The following IRX5 variants were observed in gnomAD, a reference collection of about 807,000 sequenced individuals.
The protein encoded by IRX5 is iroquois-class homeodomain protein IRX-5.
In IRX5, 8 loss-of-function variants were observed where a neutral mutation model predicts 37.6. The observed-to-expected ratio is 0.21, with a 90% CI of 0.12 to 0.38. IRX5 has a LOEUF of 0.38. IRX5 is among the 10% of genes least tolerant of loss of function. IRX5 has a pLI of 1.00. For synonymous variants in IRX5, 359 were observed against 328.6 expected (o/e 1.09, Z -1.00); for missense variants, 635 against 695.2 (o/e 0.91, Z 0.97).
chr16:54,931,994 A>C, intron 1 of IRX5: 1 of 686,130 alleles, frequency 1.5e-6, no homozygotes, highest in South Asian at 1.5e-5. Flanking sequence ...GGTCTGGGGT[A>C]GTATTTTTGG....
In IRX5 at chr16:54,932,698, C is replaced by T. The variant is rs1403779197; in HGVS notation, c.450C>T (p.Ala150=). The change falls in exon 2 of 3, where the codon GCC becomes GCT. Residue 150 remains alanine (A), a synonymous_variant. Coordinates refer to ENST00000394636, the MANE Select transcript of IRX5 (RefSeq NM_005853.6). The surrounding 1 kb of genome is among the most constrained non-coding windows in gnomAD (Gnocchi z 6.7). ...YPTKGEKIML[A]IITKMTLTQV... Reference sequence around the variant, plus strand: ...CCAAGGGCGAGAAGATCATGCTGGCCATCATCACCAAGATGACCCTCACCC... The same window carrying T: ...CCAAGGGCGAGAAGATCATGCTGGCTATCATCACCAAGATGACCCTCACCC... The T allele has an allele frequency of 6.2e-7, 1 of 1,613,974 alleles. No individual in the cohort carries two copies. Among genetic ancestry groups the T allele is most frequent in the East Asian group, 2.2e-5 (1 of 44,842 alleles).
chr16:54,930,995 G>C lies in IRX5; in HGVS notation c.-204G>C, dbSNP rs1963887837. 6.2e-6 allele frequency: 1 copy of C among 161,312 alleles called. No individual in the cohort carries two copies. Among genetic ancestry groups the C allele is most frequent in the African/African-American group, 2.4e-5 (1 of 41,498 alleles). 10.0% of individuals were successfully genotyped at this position (161,312 alleles called of 1,614,324 possible). ...AGCCCAGCTGGGGCGAGCGAGGCGC[G>C]CAGAGGAGCGGGCGCGGCGGTCGCA... On this transcript the variant is annotated 5_prime_UTR_variant, in exon 1 of 3. Coordinates refer to ENST00000394636, the MANE Select transcript of IRX5 (RefSeq NM_005853.6).
In IRX5 at chr16:54,934,014, G is replaced by A; in HGVS notation, c.*141G>A. 1 of 789,126 alleles carries A rather than the reference G, an allele frequency of 1.3e-6. No individual in the cohort carries two copies. The highest frequency in any genetic ancestry group is 1.8e-6 in the Non-Finnish European group (1 of 556,274). 48.9% of individuals were successfully genotyped at this position (789,126 alleles called of 1,614,324 possible). ...CAGAAGTTTATAGTTTATGGAGATG[G>A]ATGACATAAAAATGTAAACATCTCC... On this transcript the variant is annotated 3_prime_UTR_variant, in exon 3 of 3. Transcript: ENST00000394636.
rs763963875 is a variant in IRX5 at position 54,933,319 on chromosome 16, C to T, written c.898C>T (p.Pro300Ser). ...CCCCGCCGGAGCGCCGGCGCCCGGC[C>T]CGCATCCAGCCGCGGGCGAGGTGCC... Reference protein sequence around the residue: ...HYPAGAPAPGPHPAAGEVPPG... With the variant: ...HYPAGAPAPGSHPAAGEVPPG... Residue 300 changes from proline to serine, a missense_variant, in exon 3 of 3, where the codon CCG becomes TCG. Around this residue, in one of 5 missense-constraint regions of IRX5, gnomAD observed 244 missense variants for 205.4 expected, o/e 1.19. Transcript: ENST00000394636. 2.8e-5 allele frequency: 40 copies of T among 1,451,606 alleles called. No individual in the cohort carries two copies. The African/African-American group carries it at 5.6e-4, about 20-fold the overall frequency. The allele number at this position is 1,451,606 out of a possible 1,614,324, so 89.9% of individuals were successfully genotyped here.
chr16:54,934,042 AC>A lies in IRX5; in HGVS notation c.*170del. On this transcript the variant is annotated 3_prime_UTR_variant, in exon 3 of 3. Transcript: ENST00000394636. Reference sequence around the variant, plus strand: ...GACATAAAAATGTAAACATCTCCACACAAAAAAAAAAATGTCTTAACCAACC... The same window carrying A: ...GACATAAAAATGTAAACATCTCCACAAAAAAAAAAAATGTCTTAACCAACC... 1 of 584,444 alleles carries A rather than the reference AC, an allele frequency of 1.7e-6. No individual in the cohort carries two copies. Among genetic ancestry groups the A allele is most frequent in the South Asian group, 5.5e-5 (1 of 18,084 alleles). 36.2% of individuals were successfully genotyped at this position (584,444 alleles called of 1,614,324 possible). A position where few individuals can be genotyped will look rare whatever the true frequency, so the allele number is the denominator to read the frequency against.
rs1963938760 is a variant in IRX5 at position 54,933,951 on chromosome 16, A to T, written c.*78A>T. 7.3e-7 allele frequency: 1 copy of T among 1,366,300 alleles called. No homozygotes were observed. The highest frequency in any genetic ancestry group is 9.7e-7 in the Non-Finnish European group (1 of 1,026,294). The allele number at this position is 1,366,300 out of a possible 1,614,324, so 84.6% of individuals were successfully genotyped here. On this transcript the variant is annotated 3_prime_UTR_variant, in exon 3 of 3. Coordinates refer to ENST00000394636, the MANE Select transcript of IRX5 (RefSeq NM_005853.6). ...GCAGTTATTTTTCCATCACCGAGAG[A>T]GAGAGACAGAGAGAGAAAATAAACT...
Position 54,931,088 on chromosome 16 carries a change from A to AGCG in IRX5, c.-105_-103dup. 2.5e-6 allele frequency: 2 copies of AGCG among 790,984 alleles called. No individual in the cohort carries two copies. The highest frequency in any genetic ancestry group is 3.2e-6 in the Non-Finnish European group (2 of 630,908). 49.0% of individuals were successfully genotyped at this position (790,984 alleles called of 1,614,324 possible). On this transcript the variant is annotated 5_prime_UTR_variant, in exon 1 of 3. Coordinates refer to ENST00000394636, the MANE Select transcript of IRX5 (RefSeq NM_005853.6). ...GGAGCCCCGGAGCCGGGGCCAGAGG[A>AGCG]GCGGCGGCCCAGGGCAGCCAGAGGC...
In IRX5 at chr16:54,932,788, G is replaced by A. The variant is rs1415335012; in HGVS notation, c.540G>A (p.Thr180=). The change falls in exon 2 of 3, where the codon ACG becomes ACA. Residue 180 remains threonine (T), a synonymous_variant. Coordinates refer to ENST00000394636, the MANE Select transcript of IRX5 (RefSeq NM_005853.6). The surrounding 1 kb of genome is among the most constrained non-coding windows in gnomAD (Gnocchi z 6.7). ...RLKKENKMTW[T]PRNRSEDEEE... ...AGAAAGAGAATAAAATGACGTGGAC[G>A]CCGCGGAACCGCAGCGAGGACGAGG... 2 of 1,614,142 alleles carry A rather than the reference G, an allele frequency of 1.2e-6. No individual in the cohort carries two copies. Among genetic ancestry groups the A allele is most frequent in the South Asian group, 1.1e-5 (1 of 91,082 alleles).
chr16:54,931,966 C>G, intron 1 of IRX5: 1 of 641,096 alleles, frequency 1.6e-6, no homozygotes, highest in South Asian at 1.7e-5. Context: ...CGGGATTTTT[C>G]GGCCGGGTTG....
In IRX5 at chr16:54,931,257, G is replaced by T. The variant is rs1369389632; in HGVS notation, c.59G>T (p.Cys20Phe). 1 of 1,612,384 alleles carries T rather than the reference G, an allele frequency of 6.2e-7. No homozygotes were observed. Among genetic ancestry groups the T allele is most frequent in the East Asian group, 2.2e-5 (1 of 44,846 alleles). The change falls in exon 1 of 3, where the codon TGC (cysteine) becomes TTC (phenylalanine). Residue 20 changes from cysteine (C) to phenylalanine (F), a missense_variant. Cys to Phe is a radical substitution (Grantham distance 205, BLOSUM62 -2). This residue lies in a region of IRX5 where 145 missense variants were observed against 152.4 expected (regional missense o/e 0.95). Coordinates refer to ENST00000394636, the MANE Select transcript of IRX5 (RefSeq NM_005853.6). ...QPSASLALYS[C>F]PAYSTSVISG... ...TCCGCCTCGCTGGCGCTCTACTCGT[G>T]CCCGGCGTACAGCACCAGCGTCATT...
In IRX5 at chr16:54,933,479, G is replaced by A. The variant is rs768641728; in HGVS notation, c.1058G>A (p.Gly353Glu). The A allele has an allele frequency of 6.2e-7, 1 of 1,611,776 alleles. No homozygotes were observed. Among genetic ancestry groups the A allele is most frequent in the Non-Finnish European group, 8.5e-7 (1 of 1,179,410 alleles). Residue 353 changes from glycine to glutamate, a missense_variant, in exon 3 of 3, where the codon GGG becomes GAG. Coordinates refer to ENST00000394636, the MANE Select transcript of IRX5 (RefSeq NM_005853.6). ...GACAAGGTCAAGGACGGGGGCGGCG[G>A]GAACGAGGGCTCTCCATGCCCACCG... ...SSDKVKDGGG[G>E]NEGSPCPPCP... is the part of the protein sequence containing the mutation.
In IRX5 at chr16:54,933,545, G is replaced by C; in HGVS notation, c.1124G>C (p.Arg375Pro). ...GCCGGGCAAGCCCTAGGAGGCAGCC[G>C]GGCGTCGCCGGCCCCGGCGCCGTCA... The part of the protein sequence containing the change: ...PIAGQALGGS[R>P]ASPAPAPSRS... The change falls in exon 3 of 3, where the codon CGG (arginine) becomes CCG (proline). Residue 375 changes from arginine to proline, a missense_variant. By Grantham distance (103) the Arg-to-Pro change is moderately radical (BLOSUM62 -2). Around this residue, in one of 5 missense-constraint regions of IRX5, gnomAD observed 188 missense variants for 200.8 expected, o/e 0.94. Transcript: ENST00000394636. 1 of 1,607,502 alleles carries C rather than the reference G, an allele frequency of 6.2e-7. No homozygotes were observed. The highest frequency in any genetic ancestry group is 8.5e-7 in the Non-Finnish European group (1 of 1,176,870).
Position 54,932,472 on chromosome 16 carries a change from C to A in IRX5, c.250-26C>A. On this transcript the variant is annotated intron_variant, in intron 1 of 2. Transcript: ENST00000394636. The surrounding 1 kb of genome is among the most constrained non-coding windows in gnomAD (Gnocchi z 6.7). ...ATGGCAGTGGAGACCACGGTCCACA[C>A]TCACCTCTCTGCGTCTCCACCGCAG... 1 of 1,586,934 alleles carries A rather than the reference C, an allele frequency of 6.3e-7. No homozygotes were observed. Among genetic ancestry groups the A allele is most frequent in the Non-Finnish European group, 8.6e-7 (1 of 1,165,572 alleles).
Position 54,932,483 on chromosome 16 carries a change from G to A in IRX5, c.250-15G>A. On this transcript the variant is annotated splice_polypyrimidine_tract_variant and intron_variant, in intron 1 of 2. Coordinates refer to ENST00000394636, the MANE Select transcript of IRX5 (RefSeq NM_005853.6). This position sits in a 1 kb window ranked among gnomAD's most constrained non-coding sequence, Gnocchi z 6.7. Reference sequence around the variant, plus strand: ...GACCACGGTCCACACTCACCTCTCTGCGTCTCCACCGCAGGGCTCTCCCTA... The same window carrying A: ...GACCACGGTCCACACTCACCTCTCTACGTCTCCACCGCAGGGCTCTCCCTA... The A allele has an allele frequency of 6.3e-7, 1 of 1,595,802 alleles. No individual in the cohort carries two copies. Among genetic ancestry groups the A allele is most frequent in the Non-Finnish European group, 8.5e-7 (1 of 1,169,990 alleles).
At chr16:54,931,862 A>C (rs1963901596) in intron 1 of IRX5, among the ~76,000 whole-genome samples, 1 of 152,238 alleles carries the variant, frequency 6.6e-6, no homozygotes, top group African/African-American at 2.4e-5. Context: ...GCCTTTAATT[A>C]GTCCTCCAAA....
At position 54,932,981 on chromosome 16, in the gene IRX5, C is replaced by A; in HGVS notation, c.655+78C>A. 3 of 1,593,048 alleles carry A rather than the reference C, an allele frequency of 1.9e-6. No individual in the cohort carries two copies. The highest frequency in any genetic ancestry group is 1.1e-5 in the South Asian group (1 of 88,318). ...GGCCTGGAGGGGGCGCGCACGGGGC[C>A]TGGAGGTTGGGGGCAGGGGTCCCTG... On this transcript the variant is annotated intron_variant, in intron 2 of 2. Coordinates refer to ENST00000394636, the MANE Select transcript of IRX5 (RefSeq NM_005853.6). This position sits in a 1 kb window ranked among gnomAD's most constrained non-coding sequence, Gnocchi z 6.7.
chr16:54,932,337 GC>G lies in IRX5; in HGVS notation c.250-160del. On this transcript the variant is annotated intron_variant, in intron 1 of 2. Coordinates refer to ENST00000394636, the MANE Select transcript of IRX5 (RefSeq NM_005853.6). The surrounding 1 kb of genome is among the most constrained non-coding windows in gnomAD (Gnocchi z 6.7). ...TGCCTTCTGAGGAGGGGGAGGAGTT[GC>G]TCCTAGGTCTGAACCCCGCCAGCCT... 1.3e-6 allele frequency: 1 copy of G among 786,002 alleles called. No individual in the cohort carries two copies. Among genetic ancestry groups the G allele is most frequent in the African/African-American group, 1.7e-5 (1 of 57,398 alleles). 48.7% of individuals were successfully genotyped at this position (786,002 alleles called of 1,614,324 possible). A position where few individuals can be genotyped will look rare whatever the true frequency, so the allele number is the denominator to read the frequency against.
Position 54,934,045 on chromosome 16 carries a change from A to G in IRX5, c.*172A>G, listed in dbSNP as rs7190373. Reference sequence around the variant, plus strand: ...ATAAAAATGTAAACATCTCCACACAAAAAAAAAAATGTCTTAACCAACCGA... The same window carrying G: ...ATAAAAATGTAAACATCTCCACACAGAAAAAAAAATGTCTTAACCAACCGA... On this transcript the variant is annotated 3_prime_UTR_variant, in exon 3 of 3. Transcript: ENST00000394636. The G allele has an allele frequency of 2.0e-6, 1 of 505,938 alleles. No individual in the cohort carries two copies. Among genetic ancestry groups the G allele is most frequent in the African/African-American group, 2.0e-5 (1 of 50,838 alleles). 31.3% of individuals were successfully genotyped at this position (505,938 alleles called of 1,614,324 possible).
intron 2 of IRX5, 42 bp from the exon 3 acceptor site, chr16:54,933,035 G>C: frequency 6.2e-7 from 1 of 1,604,030 alleles, no homozygotes; most frequent in Non-Finnish European, 8.5e-7. Context: ...GGGTCCCGCC[G>C]CGCGGCCTCT....
Sources: gnomAD v4.1 joint callset for allele counts (sites outside exome capture counted in the v4.1 genomes callset) on GRCh38, gnomAD v4.1.1 for gene constraint, gnomAD v4.1.1 regional missense constraint, Gnocchi (gnomAD v3.1) non-coding constraint, MANE v1.5 for transcripts, NCBI Gene and HGNC (gene_info 2026-07-23, HGNC 2026-07-21) for gene names.